Variants in RBMS1 observed in about 807,000 individuals in gnomAD.
RBMS1 encodes RNA binding motif single stranded interacting protein 1.
A neutral mutation model predicts 62.3 loss-of-function variants in RBMS1; 17 were observed. That is an observed-to-expected ratio of 0.27 (90% CI 0.19 to 0.41). The LOEUF is 0.41. Among genes scored for constraint, RBMS1 ranks in the 10% least tolerant of loss-of-function variants. RBMS1 has a pLI of 1.00. For missense variants in RBMS1, 334 were observed against 504.5 expected (o/e 0.66, Z 3.24); for synonymous variants, 172 against 170.0 (o/e 1.01, Z -0.09).
intron 1 of RBMS1, among the ~76,000 whole-genome samples, chr2:160,449,397 T>C (rs979152723): frequency 1.3e-5 from 2 of 152,216 alleles, no homozygotes; most frequent in African/African-American, 4.8e-5. Flanking sequence ...GGGGGAAATG[T>C]GGGGAAAAGA....
chr2:160,403,354 C>T (rs1295301543), intron 1 of RBMS1, among the ~76,000 whole-genome samples: 2 of 152,192 alleles, frequency 1.3e-5, no homozygotes, highest in Non-Finnish European at 2.9e-5. Context: ...AGGCAGTGTT[C>T]ATTTAAATAT....
intron 2 of RBMS1, among the ~76,000 whole-genome samples, chr2:160,361,213 C>T (rs903074370): frequency 6.6e-6 from 1 of 152,234 alleles, no homozygotes. Flanking sequence ...TACTGCTACA[C>T]TGAGTTATCT....
In RBMS1 at chr2:160,300,992, C is replaced by T. The variant is rs79913265; in HGVS notation, c.561-262G>A. ...AGTGTTTAAGATCAAGTATATCAAA[C>T]GGATAATTTTATTGTAATTGTTGTA... On this transcript the variant is annotated intron_variant, in intron 5 of 13. Coordinates refer to ENST00000348849, the MANE Select transcript of RBMS1 (RefSeq NM_016836.4). Among the ~76,000 whole-genome samples the T allele has an allele frequency of 1.1e-3, 175 of 152,188 alleles. 1 individual carries two copies. In the East Asian group the frequency reaches 0.025, roughly 21 times the overall value.
At chr2:160,320,211 T>G (rs1690478077) in intron 2 of RBMS1, among the ~76,000 whole-genome samples, 1 of 152,208 alleles carries the variant, frequency 6.6e-6, no homozygotes, top group South Asian at 2.1e-4. Context: ...CTCATGCCTG[T>G]AATACCAGCA....
At chr2:160,414,200 C>G (rs1481839366) in intron 1 of RBMS1, among the ~76,000 whole-genome samples, 2 of 152,176 alleles carry the variant, frequency 1.3e-5, no homozygotes, top group Non-Finnish European at 2.9e-5. Context: ...TCGAATATAT[C>G]GTGAATAGTA....
At chr2:160,376,995 C>T (rs1199045385) in intron 1 of RBMS1, among the ~76,000 whole-genome samples, 2 of 151,734 alleles carry the variant, frequency 1.3e-5, no homozygotes, top group African/African-American at 4.8e-5. Context: ...GTCATGTTTG[C>T]GTGTGTGAAC....
chr2:160,350,246 A>G (rs1692423694), intron 2 of RBMS1, among the ~76,000 whole-genome samples: 1 of 152,088 alleles, frequency 6.6e-6, no homozygotes. Flanking sequence ...ACAGCATTAC[A>G]AGTGGAGAAT....
intron 5 of RBMS1, 121 bp from the exon 6 acceptor site, chr2:160,300,851 T>C: frequency 8.8e-7 from 1 of 1,141,498 alleles, no homozygotes; most frequent in Admixed American, 3.5e-5. Flanking sequence ...AGTAAAAATG[T>C]GAATATGATA....
chr2:160,407,418 C>T, intron 1 of RBMS1: 1 of 985,984 alleles, frequency 1.0e-6, no homozygotes, highest in Non-Finnish European at 1.2e-6. Context: ...CCCTTTGTAA[C>T]GCGGGGCTCG....
At chr2:160,474,906 A>C (rs1057514569) in intron 1 of RBMS1, among the ~76,000 whole-genome samples, 5 of 152,228 alleles carry the variant, frequency 3.3e-5, no homozygotes, top group Non-Finnish European at 5.9e-5. Context: ...AATATATCGT[A>C]TTTATGGTGT....
intron 10 of RBMS1, 46 bp from the exon 11 acceptor site, chr2:160,278,704 A>G: frequency 8.1e-7 from 1 of 1,228,132 alleles, no homozygotes; most frequent in Non-Finnish European, 1.2e-6. Context: ...CTGAGGCAAG[A>G]GTTAAGATCC....
At chr2:160,275,827 A>C (rs982371940) in intron 12 of RBMS1, 113 bp from the exon 13 acceptor site, 1 of 1,450,394 alleles carries the variant, frequency 6.9e-7, no homozygotes, top group Non-Finnish European at 9.4e-7. Flanking sequence ...CTTTAAAGTA[A>C]ATTTCTTCAC....
chr2:160,397,158 T>C (rs950143157), intron 1 of RBMS1, among the ~76,000 whole-genome samples: 1 of 152,002 alleles, frequency 6.6e-6, no homozygotes, highest in Non-Finnish European at 1.5e-5. Flanking sequence ...CTCCCATGGC[T>C]CCTTACTACT....
At chr2:160,484,597 G>A (rs1338015878) in intron 1 of RBMS1, among the ~76,000 whole-genome samples, 2 of 151,814 alleles carry the variant, frequency 1.3e-5, no homozygotes, top group Non-Finnish European at 1.5e-5. Flanking sequence ...TTGGCCGGGC[G>A]CGGTGGCTCA....
At chr2:160,483,554 T>C (rs1004250472) in intron 1 of RBMS1, among the ~76,000 whole-genome samples, 1 of 152,164 alleles carries the variant, frequency 6.6e-6, no homozygotes, top group African/African-American at 2.4e-5. Context: ...AAATACTTAA[T>C]CATAATCTAC....
intron 6 of RBMS1, among the ~76,000 whole-genome samples, chr2:160,299,487 G>A (rs565222505): frequency 1.3e-4 from 20 of 151,206 alleles, no homozygotes; most frequent in African/African-American, 4.8e-4. Context: ...TTTAGTAACT[G>A]AAAATCAAAT....
At chr2:160,315,799 T>C (rs545886706) in intron 3 of RBMS1, among the ~76,000 whole-genome samples, 3 of 152,354 alleles carry the variant, frequency 2.0e-5, no homozygotes, top group Non-Finnish European at 4.4e-5. Flanking sequence ...ATGCCTTTTG[T>C]TGGCTAAACT....
chr2:160,394,767 C>T (rs1455614691), intron 1 of RBMS1, among the ~76,000 whole-genome samples: 2 of 152,186 alleles, frequency 1.3e-5, no homozygotes, highest in Non-Finnish European at 2.9e-5. Context: ...AAAAGATACA[C>T]TCTTTAACAT....
intron 1 of RBMS1, among the ~76,000 whole-genome samples, chr2:160,450,359 G>T (rs967423013): frequency 9.2e-5 from 14 of 151,860 alleles, no homozygotes; most frequent in African/African-American, 3.4e-4. Flanking sequence ...TGACCAACAT[G>T]GTGAAACCCC....
Sources: allele counts gnomAD v4.1 joint callset (sites outside exome capture counted in the v4.1 genomes callset), GRCh38; gene constraint gnomAD v4.1.1; transcripts MANE v1.5; gene names NCBI Gene and HGNC (gene_info 2026-07-23, HGNC 2026-07-21).